Variants in RFX8 observed in about 807,000 individuals in gnomAD.
The protein encoded by RFX8 is regulatory factor X8, also known as DNA-binding protein RFX8.
Under a neutral mutation model 54.6 loss-of-function variants are expected in RFX8, and 46 were observed. The observed-to-expected ratio is 0.84, with a 90% CI of 0.67 to 1.08. The LOEUF (loss-of-function observed/expected upper bound fraction) is 1.08, where lower values mean the gene tolerates loss of function less well. Among genes scored for constraint, RFX8 ranks in the 50% least tolerant of loss-of-function variants. The pLI is 0.00. For synonymous variants in RFX8, 192 were observed against 209.5 expected (o/e 0.92, Z 0.72); for missense variants, 536 against 562.3 (o/e 0.95, Z 0.47).
intron 2 of RFX8, among the ~76,000 whole-genome samples, chr2:101,447,177 T>C (rs891592596): frequency 6.6e-6 from 1 of 152,166 alleles, no homozygotes; most frequent in African/African-American, 2.4e-5. Flanking sequence ...AAGAGGTCTC[T>C]CAGACCTGCC....
At chr2:101,470,974 C>T (rs936275660) in intron 1 of RFX8, among the ~76,000 whole-genome samples, 9 of 150,064 alleles carry the variant, frequency 6.0e-5, no homozygotes, top group Non-Finnish European at 1.2e-4. Flanking sequence ...CTGCCTTGGC[C>T]TCCCAAAGTG....
chr2:101,456,748 T>C (rs1688988655), intron 2 of RFX8, among the ~76,000 whole-genome samples: 2 of 152,204 alleles, frequency 1.3e-5, no homozygotes, highest in Admixed American at 1.3e-4. Flanking sequence ...TAGGGAAGAT[T>C]CCCTTTTTCT....
chr2:101,455,601 C>A (rs1439437091), intron 2 of RFX8, among the ~76,000 whole-genome samples: 2 of 152,154 alleles, frequency 1.3e-5, no homozygotes, highest in Non-Finnish European at 1.5e-5. Context: ...CAGTACCATG[C>A]TGTTTTGGTT....
intron 1 of RFX8, among the ~76,000 whole-genome samples, chr2:101,471,694 T>G (rs143309364): frequency 7.2e-5 from 11 of 152,336 alleles, no homozygotes; most frequent in African/African-American, 2.6e-4. Flanking sequence ...TCCCCGTTTC[T>G]GCAGTCTTTC....
chr2:101,411,070 G>C (rs556143223), intron 8 of RFX8, among the ~76,000 whole-genome samples: 1 of 152,308 alleles, frequency 6.6e-6, no homozygotes, highest in South Asian at 2.1e-4. Context: ...TTCATCAAAG[G>C]GCTGGTTTAT....
intron 2 of RFX8, among the ~76,000 whole-genome samples, chr2:101,447,337 A>T (rs1688444008): frequency 6.6e-6 from 1 of 152,204 alleles, no homozygotes; most frequent in Non-Finnish European, 1.5e-5. Context: ...CTCTGGGAAT[A>T]TGTCCTTGTT....
At chr2:101,411,929 T>C (rs1446615114) in intron 8 of RFX8, among the ~76,000 whole-genome samples, 1 of 152,224 alleles carries the variant, frequency 6.6e-6, no homozygotes, top group Non-Finnish European at 1.5e-5. Flanking sequence ...TCCTGAATTC[T>C]GTATCCGTCA....
chr2:101,418,005 T>G (rs941336530), intron 5 of RFX8, among the ~76,000 whole-genome samples: 6 of 152,184 alleles, frequency 3.9e-5, no homozygotes, highest in African/African-American at 1.4e-4. Flanking sequence ...ATTCCCTACC[T>G]CAGCCTCCCA....
chr2:101,446,705 CT>C (rs1368961688), intron 2 of RFX8, among the ~76,000 whole-genome samples: 1 of 151,930 alleles, frequency 6.6e-6, no homozygotes, highest in Non-Finnish European at 1.5e-5. Context: ...CTAATGGTCT[CT>C]CCCCTCTGAG....
chr2:101,428,367 C>T (rs1004722288), intron 2 of RFX8, among the ~76,000 whole-genome samples: 1 of 152,230 alleles, frequency 6.6e-6, no homozygotes, highest in African/African-American at 2.4e-5. Context: ...TGCTCCCTCT[C>T]TTTCCACCAC....
chr2:101,469,055 C>CGT (rs1558896420), intron 1 of RFX8, among the ~76,000 whole-genome samples: 1 of 102,552 alleles, frequency 9.8e-6, no homozygotes, highest in East Asian at 3.0e-4. Context: ...TATATATATA[C>CGT]GTATATATAT....
intron 2 of RFX8, among the ~76,000 whole-genome samples, chr2:101,427,009 G>A (rs1298221299): frequency 1.3e-5 from 2 of 152,118 alleles, no homozygotes; most frequent in Non-Finnish European, 2.9e-5. Context: ...CACCCACCTC[G>A]CCCAGTGTGC....
intron 8 of RFX8, 38 bp downstream of exon 8, chr2:101,412,877 C>A: frequency 2.0e-6 from 3 of 1,536,086 alleles, no homozygotes; most frequent in Non-Finnish European, 2.6e-6. Context: ...AATCTATGCC[C>A]AACACGCCAA....
At position 101,474,655 on chromosome 2, in the gene RFX8, C is replaced by A. The variant is rs17025695; in HGVS notation, c.-72G>T. Reference sequence around the variant, plus strand: ...ACTTACACCTTTTCCAATCTGGTCGCGGTGTTGAGTCCGTGGGTGTCCTTG... The same window carrying A: ...ACTTACACCTTTTCCAATCTGGTCGAGGTGTTGAGTCCGTGGGTGTCCTTG... On this transcript the variant is annotated 5_prime_UTR_variant, in exon 1 of 12. Transcript: ENST00000428343. 3 of 176,446 alleles carry A rather than the reference C, an allele frequency of 1.7e-5. No homozygotes were observed. In the East Asian group the frequency reaches 4.4e-4, roughly 26 times the overall value. 10.9% of individuals were successfully genotyped at this position (176,446 alleles called of 1,614,324 possible).
intron 8 of RFX8, among the ~76,000 whole-genome samples, chr2:101,411,012 A>C (rs1039439401): frequency 6.6e-6 from 1 of 152,234 alleles, no homozygotes; most frequent in African/African-American, 2.4e-5. Context: ...TTGTCTTCAG[A>C]TGAGCTCATT....
intron 4 of RFX8, among the ~76,000 whole-genome samples, chr2:101,420,786 T>C (rs1490113430): frequency 6.6e-6 from 1 of 152,160 alleles, no homozygotes; most frequent in Non-Finnish European, 1.5e-5. Context: ...GTTACCCTTC[T>C]CTGGGCACCC....
At chr2:101,428,544 G>C (rs371121983) in intron 2 of RFX8, among the ~76,000 whole-genome samples, 1 of 152,168 alleles carries the variant, frequency 6.6e-6, no homozygotes, top group Non-Finnish European at 1.5e-5. Context: ...CAGTATCCAA[G>C]TACTATCATA....
intron 2 of RFX8, chr2:101,450,601 ACC>A: frequency 6.8e-7 from 1 of 1,478,752 alleles, no homozygotes; most frequent in Non-Finnish European, 9.1e-7. Context: ...AACCTGTGAT[ACC>A]TTTTTTCACC....
intron 2 of RFX8, chr2:101,452,530 A>G (rs1688740464): frequency 3.8e-6 from 2 of 527,562 alleles, no homozygotes; most frequent in South Asian, 1.2e-4. Context: ...TATTTAAATG[A>G]TATTCCTTTT....
Sources: allele counts gnomAD v4.1 joint callset (sites outside exome capture counted in the v4.1 genomes callset), GRCh38; gene constraint gnomAD v4.1.1; transcripts MANE v1.5; gene names NCBI Gene and HGNC (gene_info 2026-07-23, HGNC 2026-07-21).